Variants in ZNF547 observed in about 807,000 individuals in gnomAD.
ZNF547 encodes zinc finger protein 547.
In ZNF547, 4 loss-of-function variants were observed where a neutral mutation model predicts 7.7. The ratio of observed to expected loss-of-function variants is 0.52; its 90% CI spans 0.26 to 1.20. The LOEUF is 1.20. ZNF547 is among the 50% of genes most tolerant of loss of function. The pLI is 0.14. For synonymous variants in ZNF547, 166 were observed against 166.2 expected (o/e 1.00, Z 0.01); for missense variants, 449 against 485.8 (o/e 0.92, Z 0.71).
intron 1 of ZNF547, among the ~76,000 whole-genome samples, chr19:57,366,546 TG>T (rs1461886306): frequency 0.035 from 3,683 of 104,832 alleles, 100 homozygotes; most frequent in Middle Eastern, 0.12. Flanking sequence ...TCAGATAAAT[TG>T]TTTTTTTTTT....
chr19:57,370,556 T>C (rs1218162491), intron 2 of ZNF547, among the ~76,000 whole-genome samples: 3 of 151,994 alleles, frequency 2.0e-5, no homozygotes, highest in African/African-American at 4.8e-5. Flanking sequence ...AGAGATGGGA[T>C]TGGAGTGCTG....
Position 57,378,190 on chromosome 19 carries a change from CT to C in ZNF547, c.*7del. 1 of 1,599,044 alleles carries C rather than the reference CT, an allele frequency of 6.3e-7. No homozygotes were observed. The highest frequency in any genetic ancestry group is 8.5e-7 in the Non-Finnish European group (1 of 1,170,560). ...CAGAAAGTCCACACTGGATAAGGCC[CT>C]TATGAATGCAGTGGATATGGGAAAG... On this transcript the variant is annotated 3_prime_UTR_variant, in exon 4 of 4. Coordinates refer to ENST00000282282, the MANE Select transcript of ZNF547 (RefSeq NM_173631.4).
Position 57,377,909 on chromosome 19 carries a change from C to T in ZNF547, c.933C>T (p.Leu311=), listed in dbSNP as rs573510652. 10 of 1,613,348 alleles carry T rather than the reference C, an allele frequency of 6.2e-6. No homozygotes were observed. The highest frequency in any genetic ancestry group is 2.2e-5 in the South Asian group (2 of 91,026). The change falls in exon 4 of 4, where the codon CTC becomes CTT. Residue 311 remains leucine (L), a synonymous_variant. Transcript: ENST00000282282. ...CGKFFMERST[L]SRHQRVHTGE... is the part of the protein sequence containing the mutation. The stretch of plus-strand genomic sequence containing the variant: ...AATTCTTTATGGAAAGGTCTACACT[C>T]AGTAGACATCAGAGAGTTCACACTG...
intron 1 of ZNF547, among the ~76,000 whole-genome samples, chr19:57,365,724 G>C (rs1381532036): frequency 6.6e-6 from 1 of 151,868 alleles, no homozygotes; most frequent in African/African-American, 2.4e-5. Flanking sequence ...GGTCAGGCTG[G>C]TCTTGAACTC....
chr19:57,378,307 C>G lies in ZNF547; in HGVS notation c.*122C>G. On this transcript the variant is annotated 3_prime_UTR_variant, in exon 4 of 4. Transcript: ENST00000282282. ...GTGAACGTGGGTAATTATGTAGGTA[C>G]AGCTCTCCAGTCGCTATGTATCAGA... is the stretch of plus-strand genomic sequence containing the variant. The G allele has an allele frequency of 1.2e-6, 1 of 857,776 alleles. No homozygotes were observed. Among genetic ancestry groups the G allele is most frequent in the Non-Finnish European group, 1.9e-6 (1 of 538,006 alleles). 53.1% of individuals were successfully genotyped at this position (857,776 alleles called of 1,614,324 possible).
Position 57,368,725 on chromosome 19 carries a change from C to A in ZNF547, c.24+146C>A. ...TGAAAAGTGAGTGATTCCACCAGTT[C>A]TAGTATCTTAAATTAGGTCTGGGAT... On this transcript the variant is annotated intron_variant, in intron 2 of 3. Coordinates refer to ENST00000282282, the MANE Select transcript of ZNF547 (RefSeq NM_173631.4). The A allele has an allele frequency of 5.3e-6, 4 of 757,086 alleles. No homozygotes were observed. The South Asian group carries it at 7.2e-5, about 14-fold the overall frequency. The allele number at this position is 757,086 out of a possible 1,614,324, so 46.9% of individuals were successfully genotyped here. A position where few individuals can be genotyped will look rare whatever the true frequency, so the allele number is the denominator to read the frequency against.
At position 57,377,644 on chromosome 19, in the gene ZNF547, G is replaced by A. The variant is rs188250718; in HGVS notation, c.668G>A (p.Cys223Tyr). 314 of 1,612,172 alleles carry A rather than the reference G, an allele frequency of 1.9e-4. No homozygotes were observed. Among genetic ancestry groups the A allele is most frequent in the Non-Finnish European group, 2.6e-4 (307 of 1,179,514 alleles). The change falls in exon 4 of 4, where the codon TGT (cysteine) becomes TAT (tyrosine). Residue 223 changes from cysteine (C) to tyrosine (Y), a missense_variant. Cys to Tyr is a radical substitution (Grantham distance 194). Coordinates refer to ENST00000282282, the MANE Select transcript of ZNF547 (RefSeq NM_173631.4). ...AATGAATGTGGGAAAGCCTTTCTTT[G>A]TAAGTCTCACCTTGTTCGTCACCAG... ...ECNECGKAFL[C>Y]KSHLVRHQTI...
At chr19:57,375,568 A>T (rs549417200) in intron 3 of ZNF547, among the ~76,000 whole-genome samples, 72 of 149,188 alleles carry the variant, frequency 4.8e-4, no homozygotes, top group African/African-American at 1.8e-3. Context: ...AGGCTGAGGC[A>T]GGAGAATTGC....
chr19:57,374,431 G>C (rs1042966454), intron 3 of ZNF547, among the ~76,000 whole-genome samples: 1 of 152,202 alleles, frequency 6.6e-6, no homozygotes, highest in Admixed American at 6.5e-5. Context: ...TAGGCCTCTG[G>C]GCCTGTGATG....
intron 3 of ZNF547, among the ~76,000 whole-genome samples, chr19:57,374,719 G>T (rs762818337): frequency 5.3e-5 from 8 of 152,154 alleles, no homozygotes; most frequent in Non-Finnish European, 7.4e-5. Context: ...GATATGTAGG[G>T]CAGGGGCAAG....
chr19:57,367,474 C>T (rs893963999), intron 1 of ZNF547, among the ~76,000 whole-genome samples: 2 of 146,838 alleles, frequency 1.4e-5, no homozygotes, highest in African/African-American at 5.0e-5. Context: ...TGGACCGGGT[C>T]CTGAGGATCC....
intron 3 of ZNF547, among the ~76,000 whole-genome samples, chr19:57,373,565 G>A (rs527255603): frequency 6.6e-6 from 1 of 152,158 alleles, no homozygotes; most frequent in African/African-American, 2.4e-5. Flanking sequence ...CTGAGATGAG[G>A]CAAGTCCCTT....
intron 1 of ZNF547, chr19:57,365,157 A>G (rs1043311): frequency 1.3e-6 from 2 of 1,596,148 alleles, no homozygotes; most frequent in South Asian, 1.1e-5. Flanking sequence ...TATATATAAA[A>G]TTTTCAATGA....
chr19:57,377,175 G>A lies in ZNF547; in HGVS notation c.199G>A (p.Val67Ile). 6.2e-7 allele frequency: 1 copy of A among 1,614,186 alleles called. No homozygotes were observed. The highest frequency in any genetic ancestry group is 8.5e-7 in the Non-Finnish European group (1 of 1,180,032). Residue 67 changes from valine to isoleucine, a missense_variant, in exon 4 of 4, where the codon GTT becomes ATT. Coordinates refer to ENST00000282282, the MANE Select transcript of ZNF547 (RefSeq NM_173631.4). ...TGAGGAGGCACCTTTAGAGCCAGGT[G>A]TTTCTGTAGGAGTGTCACAGGTCAT... Reference protein sequence around the residue: ...EDEEAPLEPGVSVGVSQVMAP... With the variant: ...EDEEAPLEPGISVGVSQVMAP...
chr19:57,377,317 T>A lies in ZNF547; in HGVS notation c.341T>A (p.Leu114Gln). The change falls in exon 4 of 4, where the codon CTG (leucine) becomes CAG (glutamine). Residue 114 changes from leucine to glutamine, a missense_variant. Physicochemically the swap from Leu to Gln is moderately radical, Grantham distance 113. Coordinates refer to ENST00000282282, the MANE Select transcript of ZNF547 (RefSeq NM_173631.4). Reference sequence around the variant, plus strand: ...GACGGAACACACCCCGAGCAGGGACTGTACACGTGTCCAGCACATCTTCAC... The same window carrying A: ...GACGGAACACACCCCGAGCAGGGACAGTACACGTGTCCAGCACATCTTCAC... ...EHDGTHPEQG[L>Q]YTCPAHLHQH... The A allele has an allele frequency of 6.2e-7, 1 of 1,614,208 alleles. No individual in the cohort carries two copies. The highest frequency in any genetic ancestry group is 8.5e-7 in the Non-Finnish European group (1 of 1,180,036).
rs1426367081 is a variant in ZNF547, at chr19:57,365,429, A to G, written c.-13+1726A>G. The G allele has an allele frequency of 1.2e-5, 7 of 582,596 alleles. No individual in the cohort carries two copies. In the Admixed American group the frequency reaches 1.6e-4, roughly 13 times the overall value. The allele number at this position is 582,596 out of a possible 1,614,324, so 36.1% of individuals were successfully genotyped here. A position where few individuals can be genotyped will look rare whatever the true frequency, so the allele number is the denominator to read the frequency against. ...AATAGTACATTCTGTCTCATGTCAC[A>G]TATCAGTAGATCAATTAGTATTTCC... On this transcript the variant is annotated intron_variant, in intron 1 of 3. Transcript: ENST00000282282.
chr19:57,365,398 T>G, intron 1 of ZNF547: 1 of 647,866 alleles, frequency 1.5e-6, no homozygotes, highest in Non-Finnish European at 2.7e-6. Flanking sequence ...TTCTTTTATA[T>G]TTAAAAATAG....
At chr19:57,368,668 C>T (rs2088486087) in intron 2 of ZNF547, 89 bp downstream of exon 2, 2 of 1,285,112 alleles carry the variant, frequency 1.6e-6, no homozygotes, top group African/African-American at 1.5e-5. Flanking sequence ...TGTCCAGAGA[C>T]TCTCTTTCTG....
At chr19:57,369,378 G>A (rs1051435729) in intron 2 of ZNF547, among the ~76,000 whole-genome samples, 3 of 152,160 alleles carry the variant, frequency 2.0e-5, no homozygotes, top group African/African-American at 7.2e-5. Context: ...GAAGTCAGCA[G>A]TATTAGGAAT....
Sources: allele counts gnomAD v4.1 joint callset (sites outside exome capture counted in the v4.1 genomes callset), GRCh38; gene constraint gnomAD v4.1.1; transcripts MANE v1.5; gene names NCBI Gene and HGNC (gene_info 2026-07-23, HGNC 2026-07-21).